Variants in BAIAP3 observed in about 807,000 individuals in gnomAD.
BAIAP3 encodes BAI1 associated protein 3.
A neutral mutation model predicts 149.7 loss-of-function variants in BAIAP3; 180 were observed. The observed-to-expected ratio is 1.20, with a 90% CI of 1.07 to 1.36. BAIAP3 has a LOEUF of 1.36. Ranked by LOEUF, BAIAP3 falls within the 40% of genes most tolerant of loss-of-function variation. BAIAP3 has a pLI of 0.00. For missense variants in BAIAP3, 1,767 were observed against 1,563.4 expected (o/e 1.13, Z -2.20); for synonymous variants, 845 against 670.7 (o/e 1.26, Z -4.02).
Position 1,344,525 on chromosome 16 carries a change from G to C in BAIAP3, c.1659G>C (p.Gln553His), listed in dbSNP as rs1319095955. The C allele has an allele frequency of 6.2e-7, 1 of 1,612,890 alleles. No individual in the cohort carries two copies. The highest frequency in any genetic ancestry group is 1.3e-5 in the African/African-American group (1 of 74,926). Residue 553 changes from glutamine (Q) to histidine (H), a missense_variant and splice_region_variant, in exon 18 of 34, where the codon CAG becomes CAC. By Grantham distance (24) the Gln-to-His change is conservative. Transcript: ENST00000426824. ...TGAATGACAAGAGTCCCCGAGAGCA[G>C]GTGCAGTTGTGGGGGACCCTGGCCA... ...RILNDKSPREQPGPQRLPGLV... is the reference protein window; with the variant it reads ...RILNDKSPREHPGPQRLPGLV...
Position 1,347,751 on chromosome 16 carries a change from C to G in BAIAP3, c.2955C>G (p.Tyr985Ter). 6.2e-7 allele frequency: 1 copy of G among 1,609,998 alleles called. No homozygotes were observed. Among genetic ancestry groups the G allele is most frequent in the Non-Finnish European group, 8.5e-7 (1 of 1,177,758 alleles). ...GACGCCTGAGCGTCCGTTGCCATTACGAGGCGGCTGAGCAGCGGCTGGCCG... is the reference window on the plus strand; with the variant it reads ...GACGCCTGAGCGTCCGTTGCCATTAGGAGGCGGCTGAGCAGCGGCTGGCCG... ...RFGRLSVRCH[Y>*]EAAEQRLAVE... Residue 985 changes from tyrosine to a stop codon, truncating the protein, a stop_gained, in exon 31 of 34, where the codon TAC (tyrosine) becomes TAG (stop). Transcript: ENST00000426824. LOFTEE classifies it high-confidence loss of function.
chr16:1,343,113 G>T, intron 14 of BAIAP3, 97 bp downstream of exon 14: 2 of 1,228,720 alleles, frequency 1.6e-6, no homozygotes, highest in East Asian at 2.5e-5. Context: ...GTGGCTGGGA[G>T]GGTGGGGCAG....
Position 1,348,214 on chromosome 16 carries a change from G to C in BAIAP3, c.3268G>C (p.Val1090Leu), listed in dbSNP as rs144201701. 1.2e-6 allele frequency: 2 copies of C among 1,608,358 alleles called. No individual in the cohort carries two copies. The highest frequency in any genetic ancestry group is 1.7e-5 in the Admixed American group (1 of 59,848). ...GGAGGCGGCCCTCGGCCTAGGTGGC[G>C]TCACTGGTGTCGCCCGGCCCCAGGT... ...AGEAALGLGG[V>L]TGVARPQVGG... The change falls in exon 33 of 34, where the codon GTC becomes CTC. Residue 1090 changes from valine (V) to leucine (L), a missense_variant. Transcript: ENST00000426824.
chr16:1,339,942 C>T (rs1185984683), intron 5 of BAIAP3, among the ~76,000 whole-genome samples: 7 of 149,000 alleles, frequency 4.7e-5, no homozygotes, highest in South Asian at 2.1e-4. Flanking sequence ...GACACGCACA[C>T]AGGCTGCAGG....
At chr16:1,343,283 C>A (rs1443124816) in intron 14 of BAIAP3, 110 bp from the exon 15 acceptor site, 4 of 1,449,522 alleles carry the variant, frequency 2.8e-6, no homozygotes, top group Non-Finnish European at 3.7e-6. Flanking sequence ...TGAGTAGGCG[C>A]GGCAGTGCTG....
At position 1,338,948 on chromosome 16, in the gene BAIAP3, C is replaced by T; in HGVS notation, c.178C>T (p.Leu60=). The part of the protein sequence containing the change: ...VEFFAHMRLM[L]KKGEGRQGLP... ...GTTCTTTGCCCACATGCGCCTCATG[C>T]TGAAGAAGGGGGAAGGCAGACAGGG... The change falls in exon 3 of 34, where the codon CTG becomes TTG. Residue 60 remains leucine (L), a synonymous_variant. Transcript: ENST00000426824. The T allele has an allele frequency of 1.9e-6, 3 of 1,613,106 alleles. No homozygotes were observed. Among genetic ancestry groups the T allele is most frequent in the Non-Finnish European group, 1.7e-6 (2 of 1,179,930 alleles).
intron 1 of BAIAP3, chr16:1,334,496 C>T: frequency 4.8e-6 from 3 of 630,838 alleles, no homozygotes; most frequent in East Asian, 2.8e-5. Flanking sequence ...GAGGAGGGAG[C>T]GCTGCGCAGA....
chr16:1,347,934 G>C lies in BAIAP3; in HGVS notation c.3066G>C (p.Pro1022=). The change falls in exon 32 of 34, where the codon CCG becomes CCC. Residue 1022 remains proline (P), a synonymous_variant. Transcript: ENST00000426824. The part of the protein sequence containing the change: ...DPFVIVELGP[P]HLFPLVRSQR... ...TTGTGATCGTGGAGCTGGGCCCACCGCATCTCTTTCCACTGGTCCGCAGCC... is the reference window on the plus strand; with the variant it reads ...TTGTGATCGTGGAGCTGGGCCCACCCCATCTCTTTCCACTGGTCCGCAGCC... 1 of 1,611,962 alleles carries C rather than the reference G, an allele frequency of 6.2e-7. No homozygotes were observed. The highest frequency in any genetic ancestry group is 1.3e-5 in the African/African-American group (1 of 75,008).
At position 1,345,819 on chromosome 16, in the gene BAIAP3, C is replaced by G; in HGVS notation, c.2137C>G (p.Gln713Glu). The change falls in exon 23 of 34, where the codon CAG (glutamine) becomes GAG (glutamate). Residue 713 changes from glutamine (Q) to glutamate (E), a missense_variant. Gln to Glu is a conservative substitution (Grantham distance 29). Transcript: ENST00000426824. ...TGCTGGTCTCTGCCTCAGCCACATC[C>G]AGGAGTTGTGGGTGCGCCTGGCGTG... The part of the protein sequence containing the change: ...ATAGLCLSHI[Q>E]ELWVRLAWPD... 3 of 1,581,654 alleles carry G rather than the reference C, an allele frequency of 1.9e-6. No homozygotes were observed. The highest frequency in any genetic ancestry group is 2.6e-6 in the Non-Finnish European group (3 of 1,166,888).
At chr16:1,337,080 G>A (rs1486889339) in intron 1 of BAIAP3, among the ~76,000 whole-genome samples, 4 of 152,172 alleles carry the variant, frequency 2.6e-5, no homozygotes, top group Admixed American at 6.5e-5. Context: ...GGGCTGCTGG[G>A]GGGCAGAGGC....
chr16:1,345,181 G>T (rs1396160705), intron 21 of BAIAP3, 68 bp from the exon 22 acceptor site: 3 of 1,609,214 alleles, frequency 1.9e-6, no homozygotes, highest in Non-Finnish European at 2.5e-6. Context: ...TCCTGGAGCT[G>T]TGAGCCTGGA....
In BAIAP3 at chr16:1,346,920, G is replaced by T. The variant is rs956242846; in HGVS notation, c.2716G>T (p.Ala906Ser). Residue 906 changes from alanine to serine, a missense_variant, in exon 28 of 34, where the codon GCT becomes TCT. Ala to Ser is a moderately conservative substitution (Grantham distance 99). Coordinates refer to ENST00000426824, the MANE Select transcript of BAIAP3 (RefSeq NM_001199097.2). ...QALGANRDVSADFYSRFHFTL... is the reference protein window; with the variant it reads ...QALGANRDVSSDFYSRFHFTL... ...GCTGGGTGCAAACCGTGACGTCTCT[G>T]CTGATTTCTACAGCCGCTTCCATTT... 1.2e-6 allele frequency: 2 copies of T among 1,611,660 alleles called. No individual in the cohort carries two copies. Among genetic ancestry groups the T allele is most frequent in the Non-Finnish European group, 8.5e-7 (1 of 1,179,794 alleles).
intron 5 of BAIAP3, 28 bp downstream of exon 5, chr16:1,339,631 C>T: frequency 6.4e-7 from 1 of 1,567,130 alleles, no homozygotes; most frequent in Non-Finnish European, 8.7e-7. Context: ...CCGACCCAGA[C>T]CCTGACAGCT....
At chr16:1,341,058 C>A (rs1375966339) in intron 6 of BAIAP3, 71 bp from the exon 7 acceptor site, 111 of 1,611,138 alleles carry the variant, frequency 6.9e-5, no homozygotes, top group Non-Finnish European at 8.8e-5. Flanking sequence ...GGCCCTGTCA[C>A]CTCCATGCTA....
rs1346332538 is a variant in BAIAP3, at chr16:1,334,594, G to A, written c.-11+845G>A. On this transcript the variant is annotated intron_variant, in intron 1 of 33. Transcript: ENST00000426824. ...AGCGGCTGGACCTTGGCAGCCGTCT[G>A]AGGCTTCGGGGAGCCCAAGGCCACC... 4 of 1,467,042 alleles carry A rather than the reference G, an allele frequency of 2.7e-6. No homozygotes were observed. The Admixed American group carries it at 8.1e-5, about 30-fold the overall frequency. The allele number at this position is 1,467,042 out of a possible 1,614,324, so 90.9% of individuals were successfully genotyped here.
intron 1 of BAIAP3, chr16:1,334,497 G>C (rs905556021): frequency 3.2e-6 from 2 of 634,232 alleles, no homozygotes; most frequent in Non-Finnish European, 5.6e-6. Flanking sequence ...AGGAGGGAGC[G>C]CTGCGCAGAC....
intron 2 of BAIAP3, 94 bp from the exon 3 acceptor site, chr16:1,338,808 G>A: frequency 1.9e-6 from 3 of 1,587,934 alleles, no homozygotes; most frequent in South Asian, 2.3e-5. Context: ...GCCACACTGT[G>A]GATGTCACAT....
In BAIAP3 at chr16:1,341,802, C is replaced by T. The variant is rs762865458; in HGVS notation, c.732-20C>T. On this transcript the variant is annotated intron_variant, in intron 8 of 33. Coordinates refer to ENST00000426824, the MANE Select transcript of BAIAP3 (RefSeq NM_001199097.2). ...GAGCCTCGCCGGGGACCCTCATGGG[C>T]ATCTCTGTTCTCCTTGTAGCGAGAT... 8.1e-6 allele frequency: 13 copies of T among 1,610,336 alleles called. No individual in the cohort carries two copies. In the South Asian group the frequency reaches 1.4e-4, roughly 18 times the overall value.
intron 1 of BAIAP3, among the ~76,000 whole-genome samples, chr16:1,335,529 C>T (rs1210645471): frequency 1.3e-5 from 2 of 152,254 alleles, no homozygotes; most frequent in Non-Finnish European, 2.9e-5. Flanking sequence ...GCAGCCAGTG[C>T]TTCCTGTACT....
Sources: gnomAD v4.1 joint callset for allele counts (sites outside exome capture counted in the v4.1 genomes callset) on GRCh38, gnomAD v4.1.1 for gene constraint, MANE v1.5 for transcripts, NCBI Gene and HGNC (gene_info 2026-07-23, HGNC 2026-07-21) for gene names.